The following ZNF804B variants were observed in gnomAD, a reference collection of about 807,000 sequenced individuals.
ZNF804B encodes the protein zinc finger 804B.
Under a neutral mutation model 101.4 loss-of-function variants are expected in ZNF804B, and 80 were observed. The ratio of observed to expected loss-of-function variants is 0.79; its 90% CI spans 0.66 to 0.95. ZNF804B has a LOEUF of 0.95. Among genes scored for constraint, ZNF804B ranks in the 40% least tolerant of loss-of-function variants. ZNF804B has a pLI of 0.00. For missense variants in ZNF804B, 1,673 were observed against 1,561.9 expected (o/e 1.07, Z -1.20); for synonymous variants, 622 against 558.8 (o/e 1.11, Z -1.59).
intron 1 of ZNF804B, among the ~76,000 whole-genome samples, chr7:89,110,168 T>C (rs1222580487): frequency 1.3e-5 from 2 of 152,014 alleles, no homozygotes; most frequent in African/African-American, 4.8e-5. Context: ...TAAAGGTGAG[T>C]CACCAGGAGG....
rs938990195 is a variant in ZNF804B at position 89,194,155 on chromosome 7, G to A, written c.109-24000G>A. ...CTTGTCCTTTGCCCACTTTTTGATG[G>A]GGTTGTTTGTTTTTTTCTTGTAAAT... is the stretch of plus-strand genomic sequence containing the variant. On this transcript the variant is annotated intron_variant, in intron 1 of 3. Transcript: ENST00000333190. 9.2e-5 allele frequency among the ~76,000 whole-genome samples: 14 copies of A among 151,878 alleles called. No individual in the cohort carries two copies. In the South Asian group the frequency reaches 1.0e-3, roughly 11 times the overall value.
Position 89,218,139 on chromosome 7 carries a change from G to T in ZNF804B, c.109-16G>T, listed in dbSNP as rs4140974. Reference sequence around the variant, plus strand: ...AGAGAGAAGTCTAACCAACATTTATGTATTTTTTCTTAAAGGATTTTGCAG... The same window carrying T: ...AGAGAGAAGTCTAACCAACATTTATTTATTTTTTCTTAAAGGATTTTGCAG... On this transcript the variant is annotated splice_polypyrimidine_tract_variant and intron_variant, in intron 1 of 3. Coordinates refer to ENST00000333190, the MANE Select transcript of ZNF804B (RefSeq NM_181646.5). 0.29 allele frequency: 460,954 copies of T among 1,606,416 alleles called. 68,198 individuals carry two copies. The highest frequency in any genetic ancestry group is 0.35 in the South Asian group (31,011 of 89,752).
intron 1 of ZNF804B, among the ~76,000 whole-genome samples, chr7:89,190,999 T>C (rs1306395211): frequency 2.0e-5 from 3 of 152,314 alleles, no homozygotes; most frequent in Admixed American, 1.3e-4. Context: ...CTTGCTTCAT[T>C]GCAATGTTTG....
chr7:89,202,685 G>A (rs532921178), intron 1 of ZNF804B, among the ~76,000 whole-genome samples: 1 of 152,046 alleles, frequency 6.6e-6, no homozygotes, highest in Non-Finnish European at 1.5e-5. Context: ...TGAGGAAATA[G>A]ACCCTCCTGA....
intron 1 of ZNF804B, among the ~76,000 whole-genome samples, chr7:88,999,603 GTAGT>G (rs1370467962): frequency 6.6e-6 from 1 of 152,046 alleles, no homozygotes; most frequent in African/African-American, 2.4e-5. Context: ...AATGTCTCAT[GTAGT>G]TAAATTTTTT....
intron 1 of ZNF804B, among the ~76,000 whole-genome samples, chr7:89,141,414 T>C (rs1375706631): frequency 6.6e-6 from 1 of 152,016 alleles, no homozygotes; most frequent in Non-Finnish European, 1.5e-5. Flanking sequence ...AAGTGTGGTA[T>C]CTTGTTCATA....
intron 1 of ZNF804B, among the ~76,000 whole-genome samples, chr7:89,132,169 T>C (rs990122): frequency 0.016 from 2,155 of 131,394 alleles, 55 homozygotes; most frequent in African/African-American, 0.062. Context: ...CACGCACACA[T>C]ACACACACAC....
In ZNF804B at chr7:88,834,665, CTA is replaced by C. The variant is rs35443011; in HGVS notation, c.108+74593_108+74594del. Among the ~76,000 whole-genome samples, 417 of 149,252 alleles carry C rather than the reference CTA, an allele frequency of 2.8e-3. 1 individual carries two copies. The highest frequency in any genetic ancestry group is 0.014 in the Middle Eastern group (4 of 288). ...ACGCTCACTTTGTGTATATATTTTA[CTA>C]TATATATATATTATATCCCAATAAA... On this transcript the variant is annotated intron_variant, in intron 1 of 3. Coordinates refer to ENST00000333190, the MANE Select transcript of ZNF804B (RefSeq NM_181646.5).
chr7:89,140,768 A>C (rs564556073), intron 1 of ZNF804B, among the ~76,000 whole-genome samples: 23 of 152,220 alleles, frequency 1.5e-4, no homozygotes, highest in Non-Finnish European at 2.2e-4. Flanking sequence ...TGTTATCAGC[A>C]ATAGGCTTTT....
chr7:89,059,848 G>T (rs1041563081), intron 1 of ZNF804B, among the ~76,000 whole-genome samples: 2 of 152,172 alleles, frequency 1.3e-5, no homozygotes, highest in East Asian at 1.9e-4. Flanking sequence ...AGTGTGTGAG[G>T]TTGAGCAGAC....
At chr7:88,911,872 C>G (rs1262819415) in intron 1 of ZNF804B, among the ~76,000 whole-genome samples, 1 of 151,494 alleles carries the variant, frequency 6.6e-6, no homozygotes, top group Non-Finnish European at 1.5e-5. Context: ...TATGGAATTG[C>G]ATTATATATA....
chr7:89,289,063 C>G (rs748288579), intron 2 of ZNF804B, among the ~76,000 whole-genome samples: 1 of 151,480 alleles, frequency 6.6e-6, no homozygotes, highest in Admixed American at 6.6e-5. Context: ...AGTGTGAATA[C>G]TAAAAGAATA....
In ZNF804B at chr7:89,259,053, CAT is replaced by C. The variant is rs1376116038; in HGVS notation, c.249+40760_249+40761del. Among the ~76,000 whole-genome samples the C allele has an allele frequency of 2.0e-5, 3 of 152,044 alleles. 1 individual carries two copies. The highest frequency in any genetic ancestry group is 4.4e-5 in the Non-Finnish European group (3 of 68,008). On this transcript the variant is annotated intron_variant, in intron 2 of 3. Transcript: ENST00000333190. ...TCCTTTCTCCAAAATTTGCCCATAT[CAT>C]AGAAGGGTTCATGTCATAAGATAAG... is the stretch of plus-strand genomic sequence containing the variant.
intron 1 of ZNF804B, among the ~76,000 whole-genome samples, chr7:89,171,349 CTTCTTCT>C (rs1562904550): frequency 8.4e-5 from 11 of 130,714 alleles, no homozygotes; most frequent in East Asian, 6.1e-4. Flanking sequence ...TCTTCTTCTT[CTTCTTCT>C]TCCTCCTCTT....
At chr7:88,761,870 A>G (rs1356364283) in intron 1 of ZNF804B, among the ~76,000 whole-genome samples, 3 of 152,186 alleles carry the variant, frequency 2.0e-5, no homozygotes, top group African/African-American at 7.2e-5. Flanking sequence ...TACATGGTCA[A>G]AAAGTGTCCT....
At chr7:88,884,111 A>G (rs1305970894) in intron 1 of ZNF804B, among the ~76,000 whole-genome samples, 1 of 151,854 alleles carries the variant, frequency 6.6e-6, no homozygotes. Context: ...GTATTATTTT[A>G]TATGTCTATA....
chr7:89,116,253 C>T (rs1409209132), intron 1 of ZNF804B, among the ~76,000 whole-genome samples: 1 of 151,746 alleles, frequency 6.6e-6, no homozygotes. Flanking sequence ...AAGTAAAGAC[C>T]GTGATTCTTG....
intron 1 of ZNF804B, among the ~76,000 whole-genome samples, chr7:89,097,388 C>T (rs1202009900): frequency 6.6e-6 from 1 of 152,032 alleles, no homozygotes; most frequent in East Asian, 1.9e-4. Context: ...GCAAATTAAG[C>T]TGGAATTGAA....
At chr7:88,869,958 G>T (rs1395722709) in intron 1 of ZNF804B, among the ~76,000 whole-genome samples, 1 of 152,160 alleles carries the variant, frequency 6.6e-6, no homozygotes, top group Non-Finnish European at 1.5e-5. Flanking sequence ...ATTTTAAGAA[G>T]AAATGGCTTA....
Sources: gnomAD v4.1 joint callset for allele counts (sites outside exome capture counted in the v4.1 genomes callset) on GRCh38, gnomAD v4.1.1 for gene constraint, MANE v1.5 for transcripts, NCBI Gene and HGNC (gene_info 2026-07-23, HGNC 2026-07-21) for gene names.